Variants in GLYATL1 observed in about 807,000 individuals in gnomAD.
GLYATL1 encodes the protein glycine-N-acyltransferase like 1.
In GLYATL1, 15 loss-of-function variants were observed where a neutral mutation model predicts 20.0. The ratio of observed to expected loss-of-function variants is 0.75; its 90% CI spans 0.50 to 1.15. The LOEUF is 1.15. GLYATL1 is among the 50% of genes most tolerant of loss of function. GLYATL1 has a pLI of 0.00. For synonymous variants in GLYATL1, 151 were observed against 131.5 expected, an observed-to-expected ratio of 1.15 and a Z score of -1.01; for missense variants, 380 against 368.5, an observed-to-expected ratio of 1.03 and a Z score of -0.26.
At chr11:58,955,548 T>A (rs1252828930) in intron 6 of GLYATL1, 62 bp from the exon 7 acceptor site, 1 of 1,536,090 alleles carries the variant, frequency 6.5e-7, no homozygotes, top group African/African-American at 1.4e-5. Context: ...TAGATTGGGA[T>A]GGCACCTAGA....
Position 58,908,277 on chromosome 11 carries a change from G to C in GLYATL1, n.1275G>C, listed in dbSNP as rs544809113. On this transcript the variant is annotated non_coding_transcript_exon_variant, in exon 2 of 2. Coordinates refer to the GLYATL1 transcript ENST00000524629. ...AAGCTAGATAGCCATAGGGGTTACC[G>C]CATATGATTTTCTTCTCAGATATCA... is the stretch of plus-strand genomic sequence containing the variant. 7.2e-5 allele frequency: 11 copies of C among 152,346 alleles called. 1 individual carries two copies. The highest frequency in any genetic ancestry group is 2.6e-4 in the African/African-American group (11 of 41,566). The allele number at this position is 152,346 out of a possible 1,614,324, so 9.4% of individuals were successfully genotyped here.
chr11:58,919,120 C>T (rs1476519318), intron 1 of GLYATL1, among the ~76,000 whole-genome samples: 2 of 152,214 alleles, frequency 1.3e-5, no homozygotes, highest in African/African-American at 4.8e-5. Flanking sequence ...CAGTGTCTGT[C>T]AGACTTATAG....
intron 1 of GLYATL1, among the ~76,000 whole-genome samples, chr11:58,939,926 C>T (rs1430360501): frequency 2.0e-5 from 3 of 152,064 alleles, no homozygotes; most frequent in Non-Finnish European, 4.4e-5. Context: ...TGAGCCCAAC[C>T]AATGGAGAGA....
At chr11:58,926,973 A>G (rs557119675), upstream of GLYATL1, among the ~76,000 whole-genome samples, 9 of 152,342 alleles carry the variant, frequency 5.9e-5, no homozygotes, top group African/African-American at 2.2e-4. Flanking sequence ...ATCAAAGACT[A>G]TCTGTAATCA....
In GLYATL1 at chr11:58,955,682, A is replaced by T; in HGVS notation, c.564A>T (p.Arg188=). The change falls in exon 7 of 7, where the codon CGA becomes CGT. Residue 188 remains arginine, a synonymous_variant. Coordinates refer to ENST00000532726, the MANE Select transcript of GLYATL1 (RefSeq NM_001389712.2). ...GGCTGGTAAATGACAACTGGAAGCG[A>T]GGGAAGAATGAGAGGAGCCTGCATT... is the stretch of plus-strand genomic sequence containing the variant. The part of the protein sequence containing the change: ...YSGLVNDNWK[R]GKNERSLHYI... The T allele has an allele frequency of 1.2e-6, 2 of 1,614,152 alleles. No homozygotes were observed. The highest frequency in any genetic ancestry group is 1.7e-4 in the Middle Eastern group (1 of 6,060).
Position 58,955,770 on chromosome 11 carries a change from G to T in GLYATL1, c.652G>T (p.Val218Phe). The change falls in exon 7 of 7, where the codon GTC becomes TTC. Residue 218 changes from valine (V) to phenylalanine (F), a missense_variant. Physicochemically the swap from Val to Phe is conservative, Grantham distance 50 (BLOSUM62 -1). Transcript: ENST00000532726. ...ACMLGPEGVP[V>F]SWVTMDPSCE... Reference sequence around the variant, plus strand: ...TATGCTCGGCCCAGAGGGAGTCCCGGTCTCATGGGTAACCATGGACCCTTC... The same window carrying T: ...TATGCTCGGCCCAGAGGGAGTCCCGTTCTCATGGGTAACCATGGACCCTTC... 1 of 1,614,208 alleles carries T rather than the reference G, an allele frequency of 6.2e-7. No individual in the cohort carries two copies. The highest frequency in any genetic ancestry group is 2.2e-5 in the East Asian group (1 of 44,890).
intron 1 of GLYATL1, among the ~76,000 whole-genome samples, chr11:58,941,450 C>A (rs951924512): frequency 1.3e-5 from 2 of 152,062 alleles, no homozygotes; most frequent in African/African-American, 4.8e-5. Context: ...CATTTCTGGA[C>A]ATTTGGGTTG....
intron 4 of GLYATL1, among the ~76,000 whole-genome samples, chr11:58,950,304 C>A (rs981494490): frequency 4.3e-4 from 64 of 149,092 alleles, no homozygotes; most frequent in African/African-American, 8.3e-4. Context: ...AAAAAAAAAA[C>A]AAAAAAATAA....
chr11:58,939,755 A>T (rs535123562), intron 1 of GLYATL1, 105 bp downstream of exon 1: 1 of 152,328 alleles, frequency 6.6e-6, no homozygotes, highest in South Asian at 2.1e-4. Context: ...ACTGACGAAG[A>T]GAGGAAAATA....
intron 1 of GLYATL1, among the ~76,000 whole-genome samples, chr11:58,914,950 G>A (rs193112006): frequency 2.3e-4 from 35 of 152,224 alleles, no homozygotes; most frequent in South Asian, 1.2e-3. Flanking sequence ...TTCCAGCTGC[G>A]CCCCAAGGCT....
chr11:58,909,199 G>C (rs188177008), downstream of GLYATL1, among the ~76,000 whole-genome samples: 134 of 152,280 alleles, frequency 8.8e-4, no homozygotes, highest in African/African-American at 3.1e-3. Context: ...ATCTAAAATT[G>C]TCAAACTCAT....
At chr11:58,909,444 A>G (rs1854986708), downstream of GLYATL1, among the ~76,000 whole-genome samples, 1 of 152,220 alleles carries the variant, frequency 6.6e-6, no homozygotes, top group African/African-American at 2.4e-5. Context: ...TGGAGGTGAT[A>G]GATAGGTTGA....
Position 58,931,750 on chromosome 11 carries a change from C to T in GLYATL1, c.-212+3921C>T, listed in dbSNP as rs192422670. ...CTGAGAATAAAAAATCAAGAAGAAACTCAGAATACATGTTTAACACGTATG... is the reference window on the plus strand; with the variant it reads ...CTGAGAATAAAAAATCAAGAAGAAATTCAGAATACATGTTTAACACGTATG... On this transcript the variant is annotated intron_variant, in intron 1 of 7. Transcript: ENST00000317391. Among the ~76,000 whole-genome samples the T allele has an allele frequency of 1.7e-4, 26 of 152,158 alleles. No homozygotes were observed. The East Asian group carries it at 4.8e-3, about 28-fold the overall frequency.
chr11:58,926,721 T>C (rs1855437412), upstream of GLYATL1, among the ~76,000 whole-genome samples: 1 of 152,252 alleles, frequency 6.6e-6, no homozygotes, highest in African/African-American at 2.4e-5. Flanking sequence ...CATTAATCAT[T>C]AAGATGGCAA....
At chr11:58,923,422 G>A (rs1366289585), upstream of GLYATL1, among the ~76,000 whole-genome samples, 1 of 152,110 alleles carries the variant, frequency 6.6e-6, no homozygotes, top group African/African-American at 2.4e-5. Flanking sequence ...TACACCTTAC[G>A]GAAATGAAGT....
chr11:58,909,110 A>G (rs899700730), downstream of GLYATL1, among the ~76,000 whole-genome samples: 1 of 152,202 alleles, frequency 6.6e-6, no homozygotes, highest in Non-Finnish European at 1.5e-5. Flanking sequence ...GTGATTTTAG[A>G]GTACAGAGAG....
rs1014936794 is a variant in GLYATL1, at chr11:58,941,522, T to C, written c.-167+1872T>C. Among the ~76,000 whole-genome samples the C allele has an allele frequency of 1.3e-5, 2 of 152,142 alleles. 1 individual carries two copies. The highest frequency in any genetic ancestry group is 4.1e-4 in the South Asian group (2 of 4,820). On this transcript the variant is annotated intron_variant, in intron 1 of 6. Transcript: ENST00000532726. ...AAACATACGTGTGCATGTGTCTTTA[T>C]AGCAGCATGATTTATAGCCATCCCA...
chr11:58,946,993 T>C (rs1466685398), intron 2 of GLYATL1, 53 bp from the exon 3 acceptor site: 2 of 1,344,914 alleles, frequency 1.5e-6, no homozygotes, highest in Non-Finnish European at 2.1e-6. Context: ...ATAAAGTGCA[T>C]TTTAAATTCA....
downstream of GLYATL1, among the ~76,000 whole-genome samples, chr11:58,911,884 G>T (rs1015993894): frequency 1.4e-4 from 21 of 152,160 alleles, no homozygotes; most frequent in Non-Finnish European, 1.0e-4. Context: ...TTACATCAGA[G>T]AACTCTGCTA....
Sources: gnomAD v4.1 joint callset for allele counts (sites outside exome capture counted in the v4.1 genomes callset) on GRCh38, gnomAD v4.1.1 for gene constraint, MANE v1.5 for transcripts, NCBI Gene and HGNC (gene_info 2026-07-23, HGNC 2026-07-21) for gene names.